The following SDS variants were observed in gnomAD, a reference collection of about 807,000 sequenced individuals.
SDS encodes the protein serine dehydratase.
In SDS, 19 loss-of-function variants were observed where a neutral mutation model predicts 29.3. That is an observed-to-expected ratio of 0.65 (90% CI 0.45 to 0.95). SDS has a LOEUF of 0.95. Among genes scored for constraint, SDS ranks in the 40% least tolerant of loss-of-function variants. The pLI, the probability that SDS is intolerant of heterozygous loss-of-function variation, is 0.00. For synonymous variants in SDS, 176 were observed against 189.0 expected, an observed-to-expected ratio of 0.93 and a Z score of 0.56; for missense variants, 375 against 439.9, an observed-to-expected ratio of 0.85 and a Z score of 1.32.
chr12:113,395,793 G>A (rs192954101), intron 6 of SDS, among the ~76,000 whole-genome samples: 2 of 152,252 alleles, frequency 1.3e-5, no homozygotes, highest in East Asian at 3.9e-4. Flanking sequence ...TCTGTGTAAT[G>A]GGGTCAAAAC....
rs1433169930 is a variant in SDS at position 113,393,965 on chromosome 12, C to G, written c.705G>C (p.Leu235=). The G allele has an allele frequency of 1.9e-6, 3 of 1,614,166 alleles. No individual in the cohort carries two copies. In the East Asian group the frequency reaches 6.7e-5, roughly 36 times the overall value. The change falls in exon 7 of 8, where the codon CTG becomes CTC. Residue 235 remains leucine (L), a synonymous_variant. Transcript: ENST00000257549. ...CAGAGAAAATGGGGTGTTCCTGAAA[C>G]AGCTTCAGGGCCTGAGCCCCCACAG... The part of the protein sequence containing the change: ...VKTVGAQALK[L]FQEHPIFSEV...
intron 1 of SDS, among the ~76,000 whole-genome samples, chr12:113,400,928 C>T (rs750768494): frequency 2.0e-5 from 3 of 152,022 alleles, no homozygotes; most frequent in Non-Finnish European, 4.4e-5. Context: ...CCGAAGCGGG[C>T]GGATCACGAG....
chr12:113,397,772 T>C (rs1439671263), intron 5 of SDS, among the ~76,000 whole-genome samples: 1 of 152,158 alleles, frequency 6.6e-6, no homozygotes, highest in Non-Finnish European at 1.5e-5. Flanking sequence ...GAAAGCCCCC[T>C]TCCTGACATT....
At chr12:113,402,334 C>A (rs1056991457) in intron 1 of SDS, among the ~76,000 whole-genome samples, 2 of 152,174 alleles carry the variant, frequency 1.3e-5, no homozygotes, top group African/African-American at 4.8e-5. Context: ...CCTCTGTCAC[C>A]CAGGCTGGAG....
Position 113,392,511 on chromosome 12 carries a change from CA to C in SDS, c.*429del, listed in dbSNP as rs1275015478. On this transcript the variant is annotated 3_prime_UTR_variant, in exon 8 of 8. Coordinates refer to ENST00000257549, the MANE Select transcript of SDS (RefSeq NM_006843.3). ...GCACATTAGAAAAATTAGTAAGGGT[CA>C]GGGGTGGGCTTCCTGGGAGGATGGC... The C allele has an allele frequency of 2.2e-5, 4 of 183,922 alleles. No individual in the cohort carries two copies. The highest frequency in any genetic ancestry group is 1.3e-4 in the South Asian group (1 of 7,746). The allele number at this position is 183,922 out of a possible 1,614,324, so 11.4% of individuals were successfully genotyped here.
Position 113,392,706 on chromosome 12 carries a change from C to G in SDS, c.*235G>C. On this transcript the variant is annotated 3_prime_UTR_variant, in exon 8 of 8. Transcript: ENST00000257549. ...TACTTGTGGGCACTTGTCACGCCAG[C>G]AAGTTGGCTAAGGATGGGCACAGAG... 1 of 528,388 alleles carries G rather than the reference C, an allele frequency of 1.9e-6. No homozygotes were observed. Among genetic ancestry groups the G allele is most frequent in the South Asian group, 2.3e-5 (1 of 44,106 alleles). The allele number at this position is 528,388 out of a possible 1,614,324, so 32.7% of individuals were successfully genotyped here.
At chr12:113,401,904 C>T (rs1957686476) in intron 1 of SDS, among the ~76,000 whole-genome samples, 1 of 152,208 alleles carries the variant, frequency 6.6e-6, no homozygotes, top group Non-Finnish European at 1.5e-5. Context: ...GGTTCCCCCT[C>T]CCTCCACCAT....
chr12:113,402,781 C>T (rs939204932), intron 1 of SDS, among the ~76,000 whole-genome samples: 14 of 152,158 alleles, frequency 9.2e-5, no homozygotes, highest in African/African-American at 1.9e-4. Flanking sequence ...CGCGGCTTTC[C>T]GTGAAGTGAG....
chr12:113,398,459 C>T, intron 5 of SDS, 56 bp downstream of exon 5: 1 of 1,090,266 alleles, frequency 9.2e-7, no homozygotes, highest in Non-Finnish European at 1.4e-6. Flanking sequence ...AATGCCTGCC[C>T]AGTGATATAG....
Position 113,396,543 on chromosome 12 carries a change from TC to T in SDS, c.653+621del, listed in dbSNP as rs1957647039. ...TTCTTTCCCTCCCTCCCTCCCTCTC[TC>T]CCTTCCTTCCTTCCTTCCTTCCTTC... On this transcript the variant is annotated intron_variant, in intron 6 of 7. Coordinates refer to ENST00000257549, the MANE Select transcript of SDS (RefSeq NM_006843.3). The T allele has an allele frequency of 5.7e-5, 4 of 70,466 alleles. No homozygotes were observed. In the Admixed American group the frequency reaches 6.4e-4, roughly 11 times the overall value. 4.4% of individuals were successfully genotyped at this position (70,466 alleles called of 1,614,324 possible). A position where few individuals can be genotyped will look rare whatever the true frequency, so the allele number is the denominator to read the frequency against.
rs769136652 is a variant in SDS, at chr12:113,393,117, C to T, written c.811G>A (p.Gly271Arg). ...DEKILVEPAC[G>R]AALAAVYSHV... ...CTATAGACAGCGGCCAGGGCTGCCC[C>T]GCAGGCGGGCTCCACCAGGATCTTC... The change falls in exon 8 of 8, where the codon GGG becomes AGG. Residue 271 changes from glycine to arginine, a missense_variant. Gly to Arg is a moderately radical substitution (Grantham distance 125, BLOSUM62 -2). Coordinates refer to ENST00000257549, the MANE Select transcript of SDS (RefSeq NM_006843.3). 1.2e-6 allele frequency: 2 copies of T among 1,614,050 alleles called. No individual in the cohort carries two copies. Among genetic ancestry groups the T allele is most frequent in the Non-Finnish European group, 1.7e-6 (2 of 1,180,022 alleles).
At chr12:113,393,204 G>T in intron 7 of SDS, 55 bp from the exon 8 acceptor site, 1 of 1,532,828 alleles carries the variant, frequency 6.5e-7, no homozygotes, top group South Asian at 1.1e-5. Flanking sequence ...GGGTGCACAG[G>T]AGCTGACAGG....
At chr12:113,397,454 G>A in intron 5 of SDS, 62 bp from the exon 6 acceptor site, 1 of 1,385,204 alleles carries the variant, frequency 7.2e-7, no homozygotes, top group Non-Finnish European at 1.0e-6. Flanking sequence ...ACCAGCTCAG[G>A]TTTGCACCGG....
In SDS at chr12:113,398,775, T is replaced by C. The variant is rs950561906; in HGVS notation, c.265A>G (p.Ser89Gly). The change falls in exon 4 of 8, where the codon AGC becomes GGC. Residue 89 changes from serine (S) to glycine (G), a missense_variant. Ser to Gly is a moderately conservative substitution (Grantham distance 56). Coordinates refer to ENST00000257549, the MANE Select transcript of SDS (RefSeq NM_006843.3). Reference protein sequence around the residue: ...LGVPATIVVPSTTPALTIERL... With the variant: ...LGVPATIVVPGTTPALTIERL... ...TCAATGGTGAGAGCAGGTGTGGTGCTGGGCACCACGATGGTGGCGGGGACG... is the reference window on the plus strand; with the variant it reads ...TCAATGGTGAGAGCAGGTGTGGTGCCGGGCACCACGATGGTGGCGGGGACG... 6.2e-6 allele frequency: 10 copies of C among 1,613,976 alleles called. No homozygotes were observed. Among genetic ancestry groups the C allele is most frequent in the Admixed American group, 1.7e-5 (1 of 60,010 alleles).
At position 113,392,827 on chromosome 12, in the gene SDS, C is replaced by T; in HGVS notation, c.*114G>A. The T allele has an allele frequency of 2.0e-6, 2 of 1,010,224 alleles. No homozygotes were observed. Among genetic ancestry groups the T allele is most frequent in the South Asian group, 2.7e-5 (2 of 73,128 alleles). The allele number at this position is 1,010,224 out of a possible 1,614,324, so 62.6% of individuals were successfully genotyped here. The stretch of plus-strand genomic sequence containing the variant: ...GGGCTCCTGATAACAAGAAGTTAAC[C>T]TGCACCCAGGCCACAGGTGCTCAGC... On this transcript the variant is annotated 3_prime_UTR_variant, in exon 8 of 8. Transcript: ENST00000257549.
chr12:113,396,270 T>C (rs931154151), intron 6 of SDS, among the ~76,000 whole-genome samples: 1 of 152,182 alleles, frequency 6.6e-6, no homozygotes, highest in African/African-American at 2.4e-5. Flanking sequence ...TGTAAAACCT[T>C]GCCACAGAGG....
rs111555251 is a variant in SDS at position 113,399,852 on chromosome 12, G to A, written c.-2-142C>T. On this transcript the variant is annotated intron_variant, in intron 1 of 7. Transcript: ENST00000257549. ...CATCCTGGAGACCTGGGCTCTAATC[G>A]CAAGTGGGCCACCTACTCACCATGT... 30 of 761,568 alleles carry A rather than the reference G, an allele frequency of 3.9e-5. 1 individual carries two copies. The highest frequency in any genetic ancestry group is 1.6e-4 in the African/African-American group (9 of 55,196). The allele number at this position is 761,568 out of a possible 1,614,324, so 47.2% of individuals were successfully genotyped here. A position where few individuals can be genotyped will look rare whatever the true frequency, so the allele number is the denominator to read the frequency against.
At chr12:113,402,245 G>C (rs1161980397) in intron 1 of SDS, among the ~76,000 whole-genome samples, 1 of 152,166 alleles carries the variant, frequency 6.6e-6, no homozygotes, top group Non-Finnish European at 1.5e-5. Flanking sequence ...CCCCAAATCG[G>C]CATGAACTTT....
chr12:113,402,077 T>A (rs1256293838), intron 1 of SDS, among the ~76,000 whole-genome samples: 1 of 152,148 alleles, frequency 6.6e-6, no homozygotes, highest in African/African-American at 2.4e-5. Context: ...GGATTCCAAC[T>A]GCCCCGCCAG....
Sources: gnomAD v4.1 joint callset for allele counts (sites outside exome capture counted in the v4.1 genomes callset) on GRCh38, gnomAD v4.1.1 for gene constraint, MANE v1.5 for transcripts, NCBI Gene and HGNC (gene_info 2026-07-23, HGNC 2026-07-21) for gene names.